Variants in PCDHGB2 observed in about 807,000 individuals in gnomAD.
The protein encoded by PCDHGB2 is protocadherin gamma subfamily B, 2.
In PCDHGB2, 55 loss-of-function variants were observed where a neutral mutation model predicts 59.3. The observed-to-expected ratio is 0.93, with a 90% CI of 0.75 to 1.16. The LOEUF is 1.16. Among genes scored for constraint, PCDHGB2 ranks in the 50% most tolerant of loss-of-function variants. The probability of loss-of-function intolerance (pLI) is 0.00; values close to 1 mark genes in which losing one functional copy is unlikely to be tolerated. For synonymous variants in PCDHGB2, 516 were observed against 512.0 expected (o/e 1.01, Z -0.11); for missense variants, 1,228 against 1,198.5 (o/e 1.02, Z -0.36).
intron 3 of PCDHGB2, among the ~76,000 whole-genome samples, chr5:141,506,032 G>A (rs994735467): frequency 5.9e-5 from 9 of 152,166 alleles, no homozygotes; most frequent in Non-Finnish European, 1.0e-4. Context: ...TCCAGAGTAG[G>A]ATTCTGGTTT....
chr5:141,429,528 A>T (rs1405050386), intron 1 of PCDHGB2, among the ~76,000 whole-genome samples: 1 of 152,166 alleles, frequency 6.6e-6, no homozygotes, highest in African/African-American at 2.4e-5. Context: ...AAAAAAGCTT[A>T]AAAAAATAAG....
At chr5:141,394,913 C>G (rs1284631853) in intron 1 of PCDHGB2, 2 of 1,613,780 alleles carry the variant, frequency 1.2e-6, no homozygotes, top group South Asian at 2.2e-5. Flanking sequence ...TGGCTGCCAT[C>G]TCCTGTGTCT....
chr5:141,426,437 C>T (rs914971616), intron 1 of PCDHGB2: 6 of 300,546 alleles, frequency 2.0e-5, no homozygotes, highest in South Asian at 6.4e-5. Flanking sequence ...GGGAACCTTG[C>T]GGAGGACATG....
intron 1 of PCDHGB2, chr5:141,409,621 A>G: frequency 6.2e-7 from 1 of 1,613,852 alleles, no homozygotes; most frequent in Non-Finnish European, 8.5e-7. Context: ...CCATTGCGCA[A>G]GTGAGCGCCT....
At chr5:141,374,635 C>T (rs759050511) in intron 1 of PCDHGB2, 1 of 1,613,044 alleles carries the variant, frequency 6.2e-7, no homozygotes, top group Non-Finnish European at 8.5e-7. Flanking sequence ...ACGTGCAAAG[C>T]GAAGCCCATG....
chr5:141,462,354 C>T (rs1157515386), intron 1 of PCDHGB2, among the ~76,000 whole-genome samples: 1 of 152,162 alleles, frequency 6.6e-6, no homozygotes, highest in Non-Finnish European at 1.5e-5. Flanking sequence ...CAAAAATATA[C>T]ATTGTATAGT....
chr5:141,478,017 T>C lies in PCDHGB2; in HGVS notation c.2422-16790T>C, dbSNP rs776415195. ...GGTCAAATCAGTACTGCCCGTCCAG[T>C]CCAAGACACAGATTCACCCAGGCAG... On this transcript the variant is annotated intron_variant, in intron 1 of 3. Transcript: ENST00000522605. 15 of 1,613,910 alleles carry C rather than the reference T, an allele frequency of 9.3e-6. No homozygotes were observed. In the African/African-American group the frequency reaches 1.9e-4, roughly 20 times the overall value.
intron 1 of PCDHGB2, among the ~76,000 whole-genome samples, chr5:141,462,819 A>G (rs1182498111): frequency 6.6e-6 from 1 of 152,210 alleles, no homozygotes; most frequent in East Asian, 1.9e-4. Context: ...TTTATTGGAC[A>G]GCAGACATTG....
intron 1 of PCDHGB2, chr5:141,382,673 A>G: frequency 2.3e-6 from 1 of 437,012 alleles, no homozygotes; most frequent in Non-Finnish European, 4.0e-6. Context: ...GCCGCTGTTC[A>G]CCAACCAGGG....
At chr5:141,506,923 C>T (rs1414595306) in intron 3 of PCDHGB2, among the ~76,000 whole-genome samples, 4 of 152,184 alleles carry the variant, frequency 2.6e-5, no homozygotes, top group African/African-American at 9.7e-5. Context: ...ACATACTAAA[C>T]AAACTTTAGG....
In PCDHGB2 at chr5:141,413,416, C is replaced by G. The variant is rs893515703; in HGVS notation, c.2421+50860C>G. ...CAGAGGTAGGACGCAGCTTTTCTCT[C>G]TGAACCCGCGCAGCGGCAGCTTGAT... On this transcript the variant is annotated intron_variant, in intron 1 of 3. Transcript: ENST00000522605. 1 of 1,614,100 alleles carries G rather than the reference C, an allele frequency of 6.2e-7. No individual in the cohort carries two copies. Among genetic ancestry groups the G allele is most frequent in the Admixed American group, 1.7e-5 (1 of 60,034 alleles).
chr5:141,362,328 C>G lies in PCDHGB2; in HGVS notation c.2193C>G (p.Leu731=), dbSNP rs1351863626. The change falls in exon 1 of 4, where the codon CTC becomes CTG. Residue 731 remains leucine (L), a synonymous_variant. Coordinates refer to ENST00000522605, the MANE Select transcript of PCDHGB2 (RefSeq NM_018923.3). The part of the protein sequence containing the change: ...SDAWDCFQPG[L]SSKPGPGVLP... ...CTTGGGACTGTTTTCAGCCTGGTCT[C>G]AGCTCCAAGCCTGGACCTGGGGTTC... 1 of 1,613,950 alleles carries G rather than the reference C, an allele frequency of 6.2e-7. No homozygotes were observed.
intron 1 of PCDHGB2, among the ~76,000 whole-genome samples, chr5:141,449,974 A>T (rs2098661108): frequency 6.6e-6 from 1 of 151,260 alleles, no homozygotes; most frequent in African/African-American, 2.4e-5. Context: ...TTTAGTCCAA[A>T]ATATCACACA....
At chr5:141,422,038 G>A (rs949164524) in intron 1 of PCDHGB2, 9 of 1,611,746 alleles carry the variant, frequency 5.6e-6, no homozygotes, top group Non-Finnish European at 7.6e-6. Context: ...AACGGATCCA[G>A]ACGAGGGAAT....
At chr5:141,510,304 A>G (rs1030803209) in intron 3 of PCDHGB2, among the ~76,000 whole-genome samples, 1 of 151,732 alleles carries the variant, frequency 6.6e-6, no homozygotes, top group Non-Finnish European at 1.5e-5. Context: ...CTGTTTTGAA[A>G]TGGAGGCTTG....
intron 1 of PCDHGB2, among the ~76,000 whole-genome samples, chr5:141,433,940 T>C (rs1315031506): frequency 6.6e-6 from 1 of 152,192 alleles, no homozygotes; most frequent in African/African-American, 2.4e-5. Flanking sequence ...TATAATTCCA[T>C]TGTTTCTTCT....
At chr5:141,448,394 T>C (rs1360417681) in intron 1 of PCDHGB2, among the ~76,000 whole-genome samples, 1 of 152,206 alleles carries the variant, frequency 6.6e-6, no homozygotes. Context: ...TACATTTACA[T>C]GGTTTTAAAA....
chr5:141,483,892 A>C (rs1463395859), intron 1 of PCDHGB2, among the ~76,000 whole-genome samples: 1 of 151,652 alleles, frequency 6.6e-6, no homozygotes, highest in Non-Finnish European at 1.5e-5. Flanking sequence ...TATTTCTCTG[A>C]GCTCTGGTGT....
intron 1 of PCDHGB2, chr5:141,378,235 G>C (rs1774737741): frequency 6.6e-6 from 1 of 152,228 alleles, no homozygotes; most frequent in Non-Finnish European, 1.5e-5. Context: ...GTATTTAAGA[G>C]TGAAAATGGC....
Sources: gnomAD v4.1 joint callset for allele counts (sites outside exome capture counted in the v4.1 genomes callset) on GRCh38, gnomAD v4.1.1 for gene constraint, MANE v1.5 for transcripts, NCBI Gene and HGNC (gene_info 2026-07-23, HGNC 2026-07-21) for gene names.